The following ZNF704 variants were observed in gnomAD, a reference collection of about 807,000 sequenced individuals.
The protein encoded by ZNF704 is zinc finger protein 704, also known as glucocorticoid induced gene 1.
Under a neutral mutation model 44.7 loss-of-function variants are expected in ZNF704, and 10 were observed. That is an observed-to-expected ratio of 0.22 (90% CI 0.14 to 0.38). The LOEUF (loss-of-function observed/expected upper bound fraction) is 0.38, where lower values mean the gene tolerates loss of function less well. Among genes scored for constraint, ZNF704 ranks in the 10% least tolerant of loss-of-function variants. The pLI, the probability that ZNF704 is intolerant of heterozygous loss-of-function variation, is 1.00. For synonymous variants in ZNF704, 211 were observed against 207.6 expected, an observed-to-expected ratio of 1.02 and a Z score of -0.14; for missense variants, 390 against 545.5, an observed-to-expected ratio of 0.71 and a Z score of 2.84.
At chr8:80,763,390 C>CT (rs1807163991) in intron 2 of ZNF704, among the ~76,000 whole-genome samples, 1 of 152,260 alleles carries the variant, frequency 6.6e-6, no homozygotes, top group African/African-American at 2.4e-5. Context: ...CAATTCTTGA[C>CT]TTCTGTGCAC....
intron 2 of ZNF704, among the ~76,000 whole-genome samples, chr8:80,744,148 A>G (rs1156451401): frequency 6.6e-6 from 1 of 152,218 alleles, no homozygotes; most frequent in Non-Finnish European, 1.5e-5. Context: ...TTTTTAAAAT[A>G]CTGATTACAT....
chr8:80,660,849 C>G (rs1009817615), intron 6 of ZNF704, among the ~76,000 whole-genome samples: 1 of 152,068 alleles, frequency 6.6e-6, no homozygotes, highest in Non-Finnish European at 1.5e-5. Flanking sequence ...GAAGAAAACA[C>G]AAGAAAAACA....
Position 80,629,525 on chromosome 8 carries a change from A to AT in ZNF704, c.*11840dup, listed in dbSNP as rs916363605. ...CACATTGTCAGATGAAGGAAAAGAT[A>AT]TTTTTTCAGGCTGAGTAATGTAGTA... On this transcript the variant is annotated 3_prime_UTR_variant, in exon 9 of 9. Coordinates refer to ENST00000327835, the MANE Select transcript of ZNF704 (RefSeq NM_001033723.3). 4 of 152,166 alleles carry AT rather than the reference A, an allele frequency of 2.6e-5. No homozygotes were observed. Among genetic ancestry groups the AT allele is most frequent in the African/African-American group, 4.8e-5 (2 of 41,428 alleles). The allele number at this position is 152,166 out of a possible 1,614,324, so 9.4% of individuals were successfully genotyped here. A position where few individuals can be genotyped will look rare whatever the true frequency, so the allele number is the denominator to read the frequency against.
Position 80,683,886 on chromosome 8 carries a change from T to G in ZNF704, c.558+3340A>C, listed in dbSNP as rs1306140586. 2.0e-5 allele frequency among the ~76,000 whole-genome samples: 3 copies of G among 152,144 alleles called. No individual in the cohort carries two copies. The South Asian group carries it at 6.2e-4, about 31-fold the overall frequency. ...AAGAGGTGGGAGTGAGCCATCTCTG[T>G]GTGGGGGGAGGTGGGAGAAGAGATA... On this transcript the variant is annotated intron_variant, in intron 4 of 8. Transcript: ENST00000327835.
At chr8:80,668,427 T>C (rs367902349) in intron 5 of ZNF704, among the ~76,000 whole-genome samples, 111 of 152,376 alleles carry the variant, frequency 7.3e-4, no homozygotes, top group African/African-American at 2.6e-3. Flanking sequence ...GAGGTGTCTT[T>C]GTACCGTATC....
chr8:80,843,169 T>C (rs1406471573), intron 1 of ZNF704, among the ~76,000 whole-genome samples: 1 of 152,248 alleles, frequency 6.6e-6, no homozygotes, highest in Non-Finnish European at 1.5e-5. Context: ...TTCATTTGTA[T>C]TTTCTAAGAA....
intron 7 of ZNF704, among the ~76,000 whole-genome samples, chr8:80,653,696 C>T (rs984602316): frequency 6.6e-6 from 1 of 152,120 alleles, no homozygotes; most frequent in South Asian, 2.1e-4. Flanking sequence ...AAAGAGGATA[C>T]AAACAAATGG....
intron 7 of ZNF704, among the ~76,000 whole-genome samples, chr8:80,643,441 C>T (rs1031977408): frequency 6.6e-6 from 1 of 150,422 alleles, no homozygotes; most frequent in Admixed American, 6.6e-5. Context: ...CTGCTTGAAC[C>T]CCGGGGCGGA....
chr8:80,839,378 ACAG>A (rs1410474371), intron 1 of ZNF704, among the ~76,000 whole-genome samples: 1 of 152,242 alleles, frequency 6.6e-6, no homozygotes, highest in Non-Finnish European at 1.5e-5. Flanking sequence ...TGGGCAGTAA[ACAG>A]CAGGTGAAAT....
At chr8:80,876,350 A>T (rs1809355865), upstream of ZNF704, among the ~76,000 whole-genome samples, 1 of 152,240 alleles carries the variant, frequency 6.6e-6, no homozygotes, top group African/African-American at 2.4e-5. Context: ...AGTATCAGCT[A>T]GAGTGTGCAA....
intron 2 of ZNF704, among the ~76,000 whole-genome samples, chr8:80,790,728 T>C (rs939919058): frequency 1.3e-5 from 2 of 152,046 alleles, no homozygotes; most frequent in African/African-American, 2.4e-5. Context: ...GGAGCCACAC[T>C]GGGCAGAGTG....
At chr8:80,831,377 A>G (rs1808470390) in intron 1 of ZNF704, among the ~76,000 whole-genome samples, 1 of 152,078 alleles carries the variant, frequency 6.6e-6, no homozygotes, top group African/African-American at 2.4e-5. Context: ...TTTTTTCCCA[A>G]TTTGTACAAT....
upstream of ZNF704, among the ~76,000 whole-genome samples, chr8:80,875,343 T>C (rs113584385): frequency 0.056 from 8,511 of 152,240 alleles, 266 homozygotes; most frequent in Middle Eastern, 0.14. Flanking sequence ...TCGCTCTTGT[T>C]GCCAAGGCTG....
intron 1 of ZNF704, among the ~76,000 whole-genome samples, chr8:80,843,309 CA>C (rs1808711888): frequency 6.6e-6 from 1 of 152,202 alleles, no homozygotes; most frequent in Admixed American, 6.5e-5. Flanking sequence ...AGCCCTAGCA[CA>C]AGAAATGAGA....
chr8:80,642,332 T>C (rs1235337898), intron 8 of ZNF704, among the ~76,000 whole-genome samples: 1 of 152,240 alleles, frequency 6.6e-6, no homozygotes, highest in Non-Finnish European at 1.5e-5. Flanking sequence ...AGCTTGTCTT[T>C]AGCATATCTG....
chr8:80,671,282 C>T (rs1818273933), intron 4 of ZNF704, among the ~76,000 whole-genome samples: 2 of 152,186 alleles, frequency 1.3e-5, no homozygotes. Flanking sequence ...TACATGCCAC[C>T]ATGCCTAGCT....
intron 2 of ZNF704, among the ~76,000 whole-genome samples, chr8:80,755,451 T>C (rs1334996473): frequency 6.6e-6 from 1 of 151,904 alleles, no homozygotes; most frequent in Non-Finnish European, 1.5e-5. Context: ...TGAGACTCCA[T>C]CTCAAAAACA....
At chr8:80,692,184 G>A (rs1164688096) in intron 3 of ZNF704, among the ~76,000 whole-genome samples, 1 of 152,070 alleles carries the variant, frequency 6.6e-6, no homozygotes, top group African/African-American at 2.4e-5. Flanking sequence ...CCTACTGCCT[G>A]ACCTCCTTAT....
At chr8:80,703,635 C>T (rs80218868) in intron 2 of ZNF704, among the ~76,000 whole-genome samples, 3 of 152,070 alleles carry the variant, frequency 2.0e-5, no homozygotes, top group South Asian at 2.1e-4. Context: ...CCACCATGCC[C>T]GGCTAATTTT....
Sources: allele counts gnomAD v4.1 joint callset (sites outside exome capture counted in the v4.1 genomes callset), GRCh38; gene constraint gnomAD v4.1.1; transcripts MANE v1.5; gene names NCBI Gene and HGNC (gene_info 2026-07-23, HGNC 2026-07-21).